MAP3K5: variants seen among roughly 807,000 people sequenced by gnomAD.
The protein encoded by MAP3K5 is mitogen-activated protein kinase kinase kinase 5.
MAP3K5 carries 56 observed loss-of-function variants against 158.7 expected under a neutral mutation model. That is an observed-to-expected ratio of 0.35 (90% CI 0.28 to 0.44). The LOEUF is 0.44. MAP3K5 is among the 20% of genes least tolerant of loss of function. The pLI, the probability that MAP3K5 is intolerant of heterozygous loss-of-function variation, is 1.00. For missense variants in MAP3K5, 1,294 were observed against 1,674.8 expected (o/e 0.77, Z 3.97); for synonymous variants, 579 against 601.7 (o/e 0.96, Z 0.55).
At chr6:136,718,839 TA>T (rs1178077117) in intron 2 of MAP3K5, among the ~76,000 whole-genome samples, 2 of 152,144 alleles carry the variant, frequency 1.3e-5, no homozygotes, top group African/African-American at 4.8e-5. Context: ...ATGTAGAAAG[TA>T]AAAAATCTCC....
intron 23 of MAP3K5, among the ~76,000 whole-genome samples, chr6:136,588,747 G>A (rs73556228): frequency 2.1e-3 from 318 of 152,226 alleles, no homozygotes; most frequent in African/African-American, 7.2e-3. Context: ...AATGATCACC[G>A]TGAGCCAAAG....
intron 23 of MAP3K5, among the ~76,000 whole-genome samples, chr6:136,586,338 CT>C (rs35006021): frequency 6.6e-6 from 1 of 152,192 alleles, no homozygotes; most frequent in African/African-American, 2.4e-5. Context: ...AAATGGCAAA[CT>C]TTTTTTTCGA....
intron 16 of MAP3K5, 122 bp downstream of exon 16, chr6:136,614,037 A>G (rs1360725789): frequency 1.0e-6 from 1 of 1,004,272 alleles, no homozygotes; most frequent in African/African-American, 1.6e-5. Context: ...GTAATGTCAC[A>G]TGTCCAATTT....
At chr6:136,673,655 T>G (rs1366322242) in intron 7 of MAP3K5, among the ~76,000 whole-genome samples, 1 of 151,484 alleles carries the variant, frequency 6.6e-6, no homozygotes, top group African/African-American at 2.4e-5. Context: ...AAAAACAGTT[T>G]TGGTGAACTA....
At chr6:136,611,149 G>GAA (rs1475862950) in intron 18 of MAP3K5, 133 bp downstream of exon 18, 1 of 179,978 alleles carries the variant, frequency 5.6e-6, no homozygotes, top group Non-Finnish European at 1.1e-5. Flanking sequence ...GAAAAGAAAA[G>GAA]AAAAGAAAGA....
chr6:136,782,902 T>C (rs1354298552), intron 1 of MAP3K5, among the ~76,000 whole-genome samples: 1 of 152,244 alleles, frequency 6.6e-6, no homozygotes, highest in Admixed American at 6.5e-5. Flanking sequence ...AGACAAGATT[T>C]TGAAAATCAG....
Position 136,692,003 on chromosome 6 carries a change from T to C in MAP3K5, c.1253+2137A>G, listed in dbSNP as rs543011343. Among the ~76,000 whole-genome samples, 234 of 152,278 alleles carry C rather than the reference T, an allele frequency of 1.5e-3. 1 individual carries two copies. The highest frequency in any genetic ancestry group is 5.0e-3 in the African/African-American group (206 of 41,570). The stretch of plus-strand genomic sequence containing the variant: ...TTATTTCTATGAATAATTTTTTTCT[T>C]AATTATGAATCACACTTTCCTATTT... On this transcript the variant is annotated intron_variant, in intron 7 of 29. Transcript: ENST00000359015.
At chr6:136,675,922 G>A (rs1779684402) in intron 7 of MAP3K5, among the ~76,000 whole-genome samples, 2 of 151,946 alleles carry the variant, frequency 1.3e-5, no homozygotes, top group African/African-American at 2.4e-5. Context: ...ACAAAAAGAC[G>A]GTCATCCGTA....
At chr6:136,784,067 G>A (rs576191628) in intron 1 of MAP3K5, among the ~76,000 whole-genome samples, 1 of 152,258 alleles carries the variant, frequency 6.6e-6, no homozygotes, top group Admixed American at 6.5e-5. Context: ...CTCCCAAAAG[G>A]CTGGCTCCAG....
At chr6:136,559,686 A>T (rs1830420028) in intron 28 of MAP3K5, among the ~76,000 whole-genome samples, 1 of 152,134 alleles carries the variant, frequency 6.6e-6, no homozygotes. Flanking sequence ...CTGCACCTTT[A>T]TATTTTTAAA....
intron 14 of MAP3K5, among the ~76,000 whole-genome samples, chr6:136,625,468 A>G (rs553458642): frequency 1.3e-5 from 2 of 152,304 alleles, no homozygotes; most frequent in South Asian, 4.1e-4. Context: ...GTAGATCAGA[A>G]AAGTCAGCCC....
At chr6:136,712,684 C>T (rs1251456985) in intron 2 of MAP3K5, among the ~76,000 whole-genome samples, 1 of 152,068 alleles carries the variant, frequency 6.6e-6, no homozygotes, top group African/African-American at 2.4e-5. Flanking sequence ...TGGCTGTGTC[C>T]CCACCCAAAT....
intron 2 of MAP3K5, among the ~76,000 whole-genome samples, chr6:136,719,136 A>T (rs182970915): frequency 5.3e-5 from 8 of 152,338 alleles, no homozygotes; most frequent in Non-Finnish European, 1.2e-4. Context: ...TGATCACGAC[A>T]CTGCATTCCA....
At chr6:136,707,195 A>AT (rs965071024) in intron 2 of MAP3K5, among the ~76,000 whole-genome samples, 2 of 152,232 alleles carry the variant, frequency 1.3e-5, no homozygotes, top group African/African-American at 4.8e-5. Flanking sequence ...ATACCTGACA[A>AT]TCTTGCTGAT....
At chr6:136,740,815 C>G (rs534054190) in intron 1 of MAP3K5, among the ~76,000 whole-genome samples, 3 of 152,152 alleles carry the variant, frequency 2.0e-5, no homozygotes, top group African/African-American at 4.8e-5. Flanking sequence ...CATAAATAAA[C>G]CAGACTTCTG....
chr6:136,627,394 T>C (rs1562558988), intron 14 of MAP3K5, among the ~76,000 whole-genome samples: 1 of 152,226 alleles, frequency 6.6e-6, no homozygotes, highest in Admixed American at 6.5e-5. Flanking sequence ...GAACTTTCCA[T>C]GTCAGTGCCA....
At chr6:136,722,312 A>G (rs1013409339) in intron 1 of MAP3K5, among the ~76,000 whole-genome samples, 5 of 152,230 alleles carry the variant, frequency 3.3e-5, no homozygotes, top group African/African-American at 7.2e-5. Context: ...ATGTTAATAT[A>G]TAACAAATTT....
At chr6:136,709,998 G>C (rs1044610129) in intron 2 of MAP3K5, among the ~76,000 whole-genome samples, 1 of 152,202 alleles carries the variant, frequency 6.6e-6, no homozygotes, top group Non-Finnish European at 1.5e-5. Context: ...ATGCTTTGTA[G>C]ATGCTAAAGG....
chr6:136,769,741 A>T (rs987257110), intron 1 of MAP3K5, among the ~76,000 whole-genome samples: 4 of 11,488 alleles, frequency 3.5e-4, no homozygotes, highest in Non-Finnish European at 6.1e-4. Flanking sequence ...GGAGGAAGGG[A>T]AGGAAGGAAG....
Sources: allele counts gnomAD v4.1 joint callset (sites outside exome capture counted in the v4.1 genomes callset), GRCh38; gene constraint gnomAD v4.1.1; transcripts MANE v1.5; gene names NCBI Gene and HGNC (gene_info 2026-07-23, HGNC 2026-07-21).